The following DNAH5 variants were observed in gnomAD, a reference collection of about 807,000 sequenced individuals.
DNAH5 encodes dynein axonemal heavy chain 5.
Under a neutral mutation model 518.2 loss-of-function variants are expected in DNAH5, and 372 were observed. That is an observed-to-expected ratio of 0.72 (90% CI 0.66 to 0.78). The LOEUF (loss-of-function observed/expected upper bound fraction) is 0.78, where lower values mean the gene tolerates loss of function less well. DNAH5 is among the 30% of genes least tolerant of loss of function. The pLI is 0.00. For missense variants in DNAH5, 5,523 were observed against 5,687.0 expected (o/e 0.97, Z 0.93); for synonymous variants, 2,039 against 2,025.9 (o/e 1.01, Z -0.17).
Position 13,819,506 on chromosome 5 carries a change from G to C in DNAH5, c.6841+840C>G, listed in dbSNP as rs1481352740. Among the ~76,000 whole-genome samples, 8 of 152,162 alleles carry C rather than the reference G, an allele frequency of 5.3e-5. No homozygotes were observed. In the East Asian group the frequency reaches 1.6e-3, roughly 30 times the overall value. ...CAGTAGCAGTGCACTGAGGTTCCGG[G>C]AACTGCCTGAAAGCCCACCCAGGTA... On this transcript the variant is annotated intron_variant, in intron 41 of 78. Coordinates refer to ENST00000265104, the MANE Select transcript of DNAH5 (RefSeq NM_001369.3).
chr5:13,906,704 C>T (rs1775343302), intron 12 of DNAH5, among the ~76,000 whole-genome samples: 1 of 152,018 alleles, frequency 6.6e-6, no homozygotes, highest in African/African-American at 2.4e-5. Flanking sequence ...AATAAAAAAG[C>T]TAAAAATGCT....
intron 15 of DNAH5, chr5:13,897,917 T>C (rs558834171): frequency 6.6e-6 from 1 of 152,298 alleles, no homozygotes; most frequent in South Asian, 2.1e-4. Context: ...ATAAAGACCA[T>C]GTGACTTCTT....
At chr5:13,723,602 T>C (rs1745334930) in intron 70 of DNAH5, among the ~76,000 whole-genome samples, 1 of 152,192 alleles carries the variant, frequency 6.6e-6, no homozygotes, top group African/African-American at 2.4e-5. Flanking sequence ...ATTGCAACTA[T>C]TCAACTCCGC....
Position 13,707,973 on chromosome 5 carries a change from T to G in DNAH5, c.13338+150A>C. ...CTAAAAAAAAACTTCCTTCCCTACCTATGGTCTAAAAATACAGGGCTACAG... is the reference window on the plus strand; with the variant it reads ...CTAAAAAAAAACTTCCTTCCCTACCGATGGTCTAAAAATACAGGGCTACAG... On this transcript the variant is annotated intron_variant, in intron 76 of 78. Transcript: ENST00000265104. This position sits in a 1 kb window ranked among gnomAD's most constrained non-coding sequence, Gnocchi z 4.0. The G allele has an allele frequency of 1.1e-6, 1 of 919,410 alleles. No individual in the cohort carries two copies. The highest frequency in any genetic ancestry group is 1.7e-6 in the Non-Finnish European group (1 of 573,114). The allele number at this position is 919,410 out of a possible 1,614,324, so 57.0% of individuals were successfully genotyped here.
At chr5:13,773,562 G>A (rs763292968) in intron 55 of DNAH5, among the ~76,000 whole-genome samples, 5 of 152,204 alleles carry the variant, frequency 3.3e-5, no homozygotes, top group South Asian at 2.1e-4. Flanking sequence ...TTCATTCAAC[G>A]TCATAAGTAT....
intron 75 of DNAH5, among the ~76,000 whole-genome samples, chr5:13,713,408 C>A: frequency 1.0e-5 from 1 of 99,996 alleles, no homozygotes. Context: ...TATATATATA[C>A]ACCGACATAT....
intron 60 of DNAH5, 84 bp from the exon 61 acceptor site, chr5:13,759,067 G>A (rs1031997134): frequency 1.8e-5 from 28 of 1,567,746 alleles, no homozygotes; most frequent in African/African-American, 9.5e-5. Context: ...CTCAGCTAAC[G>A]TCACATGTTT....
chr5:13,720,954 C>T, intron 71 of DNAH5, 46 bp downstream of exon 71: 1 of 1,613,700 alleles, frequency 6.2e-7, no homozygotes, highest in Non-Finnish European at 8.5e-7. Flanking sequence ...ATTCTATAAC[C>T]TGTAATATGA....
intron 77 of DNAH5, 145 bp from the exon 78 acceptor site, chr5:13,701,016 TA>T (rs1216960475): frequency 1.9e-5 from 18 of 972,664 alleles, no homozygotes; most frequent in Middle Eastern, 4.8e-4. Context: ...ATTCCCTCAT[TA>T]AAAAAACCAC....
chr5:13,954,114 G>A (rs1329082734), intron 1 of DNAH5, among the ~76,000 whole-genome samples: 2 of 152,184 alleles, frequency 1.3e-5, no homozygotes, highest in African/African-American at 2.4e-5. Flanking sequence ...TATTTTAGGT[G>A]TGATTTAAGA....
chr5:13,902,387 G>T (rs1490726738), intron 12 of DNAH5, among the ~76,000 whole-genome samples: 1 of 152,166 alleles, frequency 6.6e-6, no homozygotes, highest in Non-Finnish European at 1.5e-5. Context: ...CACAGAGCCT[G>T]GGGGGTGGCA....
chr5:13,924,129 C>T (rs2151998531), intron 3 of DNAH5, among the ~76,000 whole-genome samples: 1 of 152,286 alleles, frequency 6.6e-6, no homozygotes, highest in South Asian at 2.1e-4. Flanking sequence ...CGAAAACCAG[C>T]TCTGACTACA....
chr5:13,742,257 G>C (rs940445850), intron 65 of DNAH5, among the ~76,000 whole-genome samples: 15 of 152,080 alleles, frequency 9.9e-5, no homozygotes, highest in African/African-American at 3.4e-4. Flanking sequence ...CTCAAAAGCA[G>C]AACCAGGTCT....
intron 1 of DNAH5, among the ~76,000 whole-genome samples, chr5:13,994,340 A>T (rs1031903342): frequency 2.0e-5 from 3 of 152,224 alleles, no homozygotes; most frequent in African/African-American, 7.2e-5. Context: ...CGCTGAGATC[A>T]TGAATTATTT....
Position 13,917,186 on chromosome 5 carries a change from T to C in DNAH5, c.1046A>G (p.Tyr349Cys), listed in dbSNP as rs192218948. The change falls in exon 8 of 79, where the codon TAT (tyrosine) becomes TGT (cysteine). Residue 349 changes from tyrosine (Y) to cysteine (C), a missense_variant. Physicochemically the swap from Tyr to Cys is radical, Grantham distance 194. Transcript: ENST00000265104. ...AGGGTCACAACATTTTTCAAGTGTA[T>C]ACAAGTATTTCACATTGTCCTTTGC... ...NEAKDNVKYL[Y>C]TLEKCCDPLY... 1 of 1,614,036 alleles carries C rather than the reference T, an allele frequency of 6.2e-7. No homozygotes were observed. Among genetic ancestry groups the C allele is most frequent in the African/African-American group, 1.3e-5 (1 of 75,062 alleles).
chr5:13,853,460 T>C (rs989702132), intron 30 of DNAH5, among the ~76,000 whole-genome samples: 2 of 152,098 alleles, frequency 1.3e-5, no homozygotes, highest in African/African-American at 4.8e-5. Context: ...AGAATGCCTC[T>C]TCTCCTCCAA....
At chr5:13,870,258 G>C (rs992030586) in intron 24 of DNAH5, among the ~76,000 whole-genome samples, 1 of 152,034 alleles carries the variant, frequency 6.6e-6, no homozygotes, top group African/African-American at 2.4e-5. Context: ...TCCCATCCCC[G>C]ACTACTGAGA....
chr5:13,862,808 C>A, intron 28 of DNAH5, 61 bp from the exon 29 acceptor site: 1 of 1,249,510 alleles, frequency 8.0e-7, no homozygotes, highest in South Asian at 1.3e-5. Flanking sequence ...CCTTAATAGT[C>A]TACGTGCAAT....
chr5:13,782,506 G>C (rs1420917526), intron 52 of DNAH5, among the ~76,000 whole-genome samples: 2 of 152,054 alleles, frequency 1.3e-5, no homozygotes, highest in African/African-American at 4.8e-5. Flanking sequence ...GGTGGAGGTG[G>C]TCACACATGC....
Sources: gnomAD v4.1 joint callset for allele counts (sites outside exome capture counted in the v4.1 genomes callset) on GRCh38, gnomAD v4.1.1 for gene constraint, Gnocchi (gnomAD v3.1) non-coding constraint, MANE v1.5 for transcripts, NCBI Gene and HGNC (gene_info 2026-07-23, HGNC 2026-07-21) for gene names.